ASPH: variants seen among roughly 807,000 people sequenced by gnomAD.
ASPH encodes the protein aspartyl/asparaginyl beta-hydroxylase.
A neutral mutation model predicts 118.4 loss-of-function variants in ASPH; 100 were observed. That is an observed-to-expected ratio of 0.84 (90% CI 0.72 to 1.00). The LOEUF is 1.00. Among genes scored for constraint, ASPH ranks in the 50% least tolerant of loss-of-function variants. The pLI, the probability that ASPH is intolerant of heterozygous loss-of-function variation, is 0.00. For missense variants in ASPH, 920 were observed against 919.5 expected (o/e 1.00, Z -0.01); for synonymous variants, 315 against 325.6 (o/e 0.97, Z 0.35).
At chr8:61,689,738 A>C (rs1383250088) in intron 1 of ASPH, 1 of 1,536,466 alleles carries the variant, frequency 6.5e-7, no homozygotes, top group Non-Finnish European at 8.8e-7. Flanking sequence ...AAACAAAACA[A>C]AAAAAAAAAC....
intron 3 of ASPH, among the ~76,000 whole-genome samples, chr8:61,669,291 T>G (rs182652082): frequency 1.0e-3 from 155 of 152,320 alleles, no homozygotes; most frequent in Non-Finnish European, 1.8e-3. Flanking sequence ...TGATAGCAAT[T>G]TGTATCTATC....
intron 18 of ASPH, among the ~76,000 whole-genome samples, chr8:61,562,280 C>A (rs561147643): frequency 2.1e-5 from 1 of 46,574 alleles, no homozygotes; most frequent in Non-Finnish European, 4.6e-5. Context: ...AGAGTCAGTG[C>A]CCTGCTGAAA....
chr8:61,703,282 G>A (rs1443893803), intron 1 of ASPH, among the ~76,000 whole-genome samples: 1 of 152,090 alleles, frequency 6.6e-6, no homozygotes, highest in Non-Finnish European at 1.5e-5. Context: ...CATGATACTG[G>A]AAATCCTAAT....
intron 15 of ASPH, chr8:61,583,640 A>C: frequency 4.1e-6 from 1 of 241,876 alleles, no homozygotes; most frequent in South Asian, 9.4e-5. Flanking sequence ...CATGTCTGTA[A>C]GAAAACTAAC....
At position 61,678,062 on chromosome 8, in the gene ASPH, G is replaced by C. The variant is rs1344197304; in HGVS notation, c.322+2906C>G. Among the ~76,000 whole-genome samples the C allele has an allele frequency of 3.9e-5, 6 of 152,102 alleles. No homozygotes were observed. The East Asian group carries it at 1.2e-3, about 29-fold the overall frequency. On this transcript the variant is annotated intron_variant, in intron 3 of 24. Transcript: ENST00000379454. ...AAAGGGAATGCCTTTGGCTTGGCAAGATCTGGTCTTCTCCTCCCATCAGCT... is the reference window on the plus strand; with the variant it reads ...AAAGGGAATGCCTTTGGCTTGGCAACATCTGGTCTTCTCCTCCCATCAGCT...
chr8:61,665,749 G>A, intron 3 of ASPH: 7 of 823,866 alleles, frequency 8.5e-6, no homozygotes, highest in Non-Finnish European at 1.1e-5. Context: ...TAATTCACTA[G>A]TCTTTATGGT....
chr8:61,697,792 T>G (rs772969741), intron 1 of ASPH, among the ~76,000 whole-genome samples: 28 of 152,200 alleles, frequency 1.8e-4, no homozygotes, highest in Non-Finnish European at 2.4e-4. Flanking sequence ...AAAATTATTT[T>G]ATTTGATTTT....
chr8:61,664,993 T>A (rs781024249), intron 3 of ASPH: 38 of 1,204,604 alleles, frequency 3.2e-5, no homozygotes, highest in Non-Finnish European at 3.9e-5. Flanking sequence ...ATGATACATA[T>A]ACATTTATCT....
chr8:61,689,783 C>T (rs1832078711), intron 1 of ASPH: 1 of 1,505,146 alleles, frequency 6.6e-7, no homozygotes, highest in Non-Finnish European at 8.9e-7. Context: ...AGGCACACTG[C>T]ATGCACTTGC....
At chr8:61,539,558 T>G (rs572406720) in intron 21 of ASPH, among the ~76,000 whole-genome samples, 12 of 152,226 alleles carry the variant, frequency 7.9e-5, no homozygotes, top group South Asian at 4.1e-4. Context: ...GAGACCTTAC[T>G]GGGAAGCTGC....
Position 61,501,699 on chromosome 8 carries a change from A to G in ASPH, c.*1660T>C, listed in dbSNP as rs1237860794. 6.6e-6 allele frequency: 1 copy of G among 152,158 alleles called. No individual in the cohort carries two copies. The highest frequency in any genetic ancestry group is 2.4e-5 in the African/African-American group (1 of 41,434). The allele number at this position is 152,158 out of a possible 1,614,324, so 9.4% of individuals were successfully genotyped here. ...AATTAATTTGGATATTTTTCCTCCC[A>G]TGCCTCTTCATCTGATTTAGTGGGA... On this transcript the variant is annotated 3_prime_UTR_variant, in exon 25 of 25. Transcript: ENST00000379454.
intron 15 of ASPH, chr8:61,583,063 A>C (rs1161049787): frequency 6.6e-6 from 1 of 152,166 alleles, no homozygotes; most frequent in Admixed American, 6.5e-5. Flanking sequence ...AATATTTCAA[A>C]TATATCGACA....
At chr8:61,683,189 G>A (rs1011114975) in intron 2 of ASPH, among the ~76,000 whole-genome samples, 2 of 152,052 alleles carry the variant, frequency 1.3e-5, no homozygotes, top group African/African-American at 4.8e-5. Context: ...GAAAGAGGAA[G>A]AGTTTGGGTA....
chr8:61,658,357 T>G (rs533382085), intron 3 of ASPH: 70 of 152,318 alleles, frequency 4.6e-4, no homozygotes, highest in African/African-American at 1.6e-3. Flanking sequence ...AATTAAACAC[T>G]GCCAATAAGG....
chr8:61,626,547 A>G (rs1295310944), intron 13 of ASPH, among the ~76,000 whole-genome samples: 1 of 152,118 alleles, frequency 6.6e-6, no homozygotes, highest in African/African-American at 2.4e-5. Context: ...TCTTTTAAGA[A>G]ACACAGCATT....
chr8:61,619,098 T>G, intron 13 of ASPH, 79 bp from the exon 14 acceptor site: 3 of 1,022,676 alleles, frequency 2.9e-6, no homozygotes, highest in Non-Finnish European at 4.3e-6. Context: ...AATATTTAAA[T>G]GAATTCAATA....
Position 61,605,889 on chromosome 8 carries a change from T to C in ASPH, c.976+13089A>G, listed in dbSNP as rs570542735. 2.0e-5 allele frequency among the ~76,000 whole-genome samples: 3 copies of C among 152,326 alleles called. No homozygotes were observed. In the South Asian group the frequency reaches 6.2e-4, roughly 32 times the overall value. ...AAAATATTCCTCATTTTTCTCTCTT[T>C]CTAACAAGTCTCTTCACTTGTATTT... is the stretch of plus-strand genomic sequence containing the variant. On this transcript the variant is annotated intron_variant, in intron 14 of 24. Transcript: ENST00000379454.
At chr8:61,617,206 T>C (rs1260435284) in intron 14 of ASPH, among the ~76,000 whole-genome samples, 1 of 152,088 alleles carries the variant, frequency 6.6e-6, no homozygotes, top group African/African-American at 2.4e-5. Flanking sequence ...TGCGTGTATA[T>C]GGGGAAATGC....
intron 14 of ASPH, among the ~76,000 whole-genome samples, chr8:61,609,964 AG>A (rs1046382862): frequency 1.3e-5 from 2 of 152,234 alleles, no homozygotes; most frequent in Admixed American, 1.3e-4. Flanking sequence ...AATTTGCCTC[AG>A]TATAGAAATA....
Sources: gnomAD v4.1 joint callset for allele counts (sites outside exome capture counted in the v4.1 genomes callset) on GRCh38, gnomAD v4.1.1 for gene constraint, MANE v1.5 for transcripts, NCBI Gene and HGNC (gene_info 2026-07-23, HGNC 2026-07-21) for gene names.